Variants in VAV2 observed in about 807,000 individuals in gnomAD.
VAV2 encodes vav guanine nucleotide exchange factor 2.
VAV2 carries 67 observed loss-of-function variants against 132.5 expected under a neutral mutation model. That is an observed-to-expected ratio of 0.51 (90% CI 0.42 to 0.62). The LOEUF (loss-of-function observed/expected upper bound fraction) is 0.62, where lower values mean the gene tolerates loss of function less well. Among genes scored for constraint, VAV2 ranks in the 20% least tolerant of loss-of-function variants. The probability of loss-of-function intolerance (pLI) is 0.00; values close to 1 mark genes in which losing one functional copy is unlikely to be tolerated. For synonymous variants in VAV2, 492 were observed against 443.5 expected, an observed-to-expected ratio of 1.11 and a Z score of -1.37; for missense variants, 938 against 1,153.6, an observed-to-expected ratio of 0.81 and a Z score of 2.71.
chr9:133,851,481 G>C (rs901980911), intron 3 of VAV2, among the ~76,000 whole-genome samples: 2 of 152,236 alleles, frequency 1.3e-5, no homozygotes, highest in African/African-American at 4.8e-5. Context: ...ATCAGCACCC[G>C]AGTGAACCAA....
chr9:133,832,286 C>A (rs1305622263), intron 4 of VAV2, among the ~76,000 whole-genome samples: 3 of 152,230 alleles, frequency 2.0e-5, no homozygotes, highest in Admixed American at 6.5e-5. Flanking sequence ...ACACCTTGGC[C>A]TGGATGTGGC....
chr9:133,807,418 G>A lies in VAV2; in HGVS notation c.667-92C>T, dbSNP rs116159368. 2,325 of 1,350,302 alleles carry A rather than the reference G, an allele frequency of 1.7e-3. 29 individuals are homozygous for A. The African/African-American group carries it at 0.03, about 18-fold the overall frequency. 83.6% of individuals were successfully genotyped at this position (1,350,302 alleles called of 1,614,324 possible). A position where few individuals can be genotyped will look rare whatever the true frequency, so the allele number is the denominator to read the frequency against. On this transcript the variant is annotated intron_variant, in intron 7 of 29. Coordinates refer to ENST00000371850, the MANE Select transcript of VAV2 (RefSeq NM_001134398.2). The stretch of plus-strand genomic sequence containing the variant: ...CAGGGGAGGGTCCCAGGGCAGCTCC[G>A]AGGCAGGCACTGGGGTGCTCCATGC...
intron 2 of VAV2, among the ~76,000 whole-genome samples, chr9:133,874,436 C>G (rs1838182448): frequency 6.6e-6 from 1 of 152,196 alleles, no homozygotes; most frequent in African/African-American, 2.4e-5. Context: ...GGGAGGCATC[C>G]CAGACCCAGG....
chr9:133,985,375 G>A (rs1450434598), intron 1 of VAV2, among the ~76,000 whole-genome samples: 6 of 152,084 alleles, frequency 3.9e-5, no homozygotes, highest in South Asian at 2.1e-4. Flanking sequence ...TCCGCCTTCC[G>A]GGTTCAAGCG....
intron 4 of VAV2, among the ~76,000 whole-genome samples, chr9:133,831,333 G>A (rs1322510382): frequency 1.3e-5 from 2 of 152,178 alleles, no homozygotes; most frequent in African/African-American, 4.8e-5. Flanking sequence ...CTACTGGGGA[G>A]GCTGAGGCAG....
rs1329061462 is a variant in VAV2, at chr9:133,787,233, G to A, written c.1422+13C>T. The A allele has an allele frequency of 6.3e-6, 10 of 1,578,508 alleles. No individual in the cohort carries two copies. In the African/African-American group the frequency reaches 8.1e-5, roughly 13 times the overall value. ...TTGAGGCAGGTGGGAGGACCTGGGC[G>A]CTAGGTGCTTACCATTTTCCCGTGA... On this transcript the variant is annotated intron_variant, in intron 16 of 29. Transcript: ENST00000371850.
intron 12 of VAV2, among the ~76,000 whole-genome samples, chr9:133,793,830 C>T (rs2073890): frequency 0.55 from 83,738 of 151,944 alleles, 23,505 homozygotes; most frequent in African/African-American, 0.65. Context: ...AGGAGTGAGC[C>T]CTCAGTCCCT....
In VAV2 at chr9:133,802,875, G is replaced by A. The variant is rs942646940; in HGVS notation, c.836+3206C>T. 6.6e-6 allele frequency among the ~76,000 whole-genome samples: 1 copy of A among 152,226 alleles called. No homozygotes were observed. Among genetic ancestry groups the A allele is most frequent in the Non-Finnish European group, 1.5e-5 (1 of 68,040 alleles). The stretch of plus-strand genomic sequence containing the variant: ...GGATGCAGGAACAAGCAAGGTGCAC[G>A]GCTGAGCTGCCAGCTCTGGCCTCCG... On this transcript the variant is annotated intron_variant, in intron 9 of 29. Coordinates refer to ENST00000371850, the MANE Select transcript of VAV2 (RefSeq NM_001134398.2). The surrounding 1 kb of genome is among the most constrained non-coding windows in gnomAD (Gnocchi z 5.8).
At chr9:133,927,571 A>C (rs1472630909) in intron 2 of VAV2, among the ~76,000 whole-genome samples, 1 of 152,092 alleles carries the variant, frequency 6.6e-6, no homozygotes, top group Non-Finnish European at 1.5e-5. Flanking sequence ...TCTTGGCCAC[A>C]CACCCACACC....
rs749014742 is a variant in VAV2, at chr9:133,768,385, G to A, written c.2589+57C>T. The A allele has an allele frequency of 5.6e-5, 88 of 1,584,180 alleles. No individual in the cohort carries two copies. Among genetic ancestry groups the A allele is most frequent in the Admixed American group, 1.2e-4 (7 of 58,182 alleles). ...GTGTGGTGCTAGTCTGCCTGAGCCC[G>A]ACCAGGTAGGGGCTGCAGCGAGGCC... On this transcript the variant is annotated intron_variant, in intron 29 of 29. Coordinates refer to ENST00000371850, the MANE Select transcript of VAV2 (RefSeq NM_001134398.2). This position sits in a 1 kb window ranked among gnomAD's most constrained non-coding sequence, Gnocchi z 5.3.
In VAV2 at chr9:133,788,260, T is replaced by C; in HGVS notation, c.1407+94A>G. On this transcript the variant is annotated intron_variant, in intron 15 of 29. Coordinates refer to ENST00000371850, the MANE Select transcript of VAV2 (RefSeq NM_001134398.2). The surrounding 1 kb of genome is among the most constrained non-coding windows in gnomAD (Gnocchi z 5.3). ...CACCCGGCCAGCATCAGCGGCTGAC[T>C]TCGAGTCCCCTTCCCCTGGGGTCTG... is the stretch of plus-strand genomic sequence containing the variant. 1.2e-6 allele frequency: 1 copy of C among 830,760 alleles called. No individual in the cohort carries two copies. The allele number at this position is 830,760 out of a possible 1,614,324, so 51.5% of individuals were successfully genotyped here. A position where few individuals can be genotyped will look rare whatever the true frequency, so the allele number is the denominator to read the frequency against.
Position 133,786,518 on chromosome 9 carries a change from G to GCAGGGCCCCACC in VAV2, c.1423-645_1423-634dup, listed in dbSNP as rs1298422388. Among the ~76,000 whole-genome samples the GCAGGGCCCCACC allele has an allele frequency of 2.0e-5, 3 of 152,170 alleles. No individual in the cohort carries two copies. The South Asian group carries it at 6.2e-4, about 32-fold the overall frequency. ...GGGCAGGATCCCAGGAAGGATGAGC[G>GCAGGGCCCCACC]CAGGGCCCCACCCAGGGCCCCTCCA... On this transcript the variant is annotated intron_variant, in intron 16 of 29. Transcript: ENST00000371850.
intron 1 of VAV2, among the ~76,000 whole-genome samples, chr9:133,963,471 A>G (rs1226511646): frequency 6.6e-6 from 1 of 152,176 alleles, no homozygotes; most frequent in Non-Finnish European, 1.5e-5. Flanking sequence ...CGTGAGCTCC[A>G]CACTCCAAGT....
chr9:133,807,610 G>A (rs1336862697), intron 7 of VAV2, among the ~76,000 whole-genome samples: 5 of 152,240 alleles, frequency 3.3e-5, no homozygotes, highest in African/African-American at 1.2e-4. Context: ...TGGCTGCCCT[G>A]AGGTGGGCGT....
At position 133,772,629 on chromosome 9, in the gene VAV2, C is replaced by T. The variant is rs551378628; in HGVS notation, c.2136-583G>A. 3.9e-5 allele frequency among the ~76,000 whole-genome samples: 5 copies of T among 128,262 alleles called. No homozygotes were observed. The East Asian group carries it at 7.8e-4, about 20-fold the overall frequency. The allele number at this position is 128,262 out of a possible 152,430, so 84.1% of individuals were successfully genotyped here. Reference sequence around the variant, plus strand: ...TCCCTCCCCTGAATGCCACCCACCCCCTTGCCAGACACAGACATCACAAGA... The same window carrying T: ...TCCCTCCCCTGAATGCCACCCACCCTCTTGCCAGACACAGACATCACAAGA... On this transcript the variant is annotated intron_variant, in intron 25 of 29. Coordinates refer to ENST00000371850, the MANE Select transcript of VAV2 (RefSeq NM_001134398.2).
At chr9:133,783,340 C>A (rs759517776) in intron 19 of VAV2, among the ~76,000 whole-genome samples, 163 bp downstream of exon 19, 3 of 152,082 alleles carry the variant, frequency 2.0e-5, no homozygotes, top group Non-Finnish European at 2.9e-5. Context: ...GTGTGACGTG[C>A]GGCAGGCGTC....
At position 133,769,580 on chromosome 9, in the gene VAV2, C is replaced by G; in HGVS notation, c.2348-77G>C. On this transcript the variant is annotated intron_variant, in intron 27 of 29. Coordinates refer to ENST00000371850, the MANE Select transcript of VAV2 (RefSeq NM_001134398.2). This position sits in a 1 kb window ranked among gnomAD's most constrained non-coding sequence, Gnocchi z 8.1. ...AGTCACGGTGGGCACAGCTACAGGC[C>G]GGGGGGCATGGGGTGGGGCAGGCCC... The G allele has an allele frequency of 7.0e-7, 1 of 1,436,132 alleles. No homozygotes were observed. Among genetic ancestry groups the G allele is most frequent in the Non-Finnish European group, 9.5e-7 (1 of 1,056,320 alleles). 89.0% of individuals were successfully genotyped at this position (1,436,132 alleles called of 1,614,324 possible). A position where few individuals can be genotyped will look rare whatever the true frequency, so the allele number is the denominator to read the frequency against.
At position 133,928,611 on chromosome 9, in the gene VAV2, G is replaced by C. The variant is rs1840566008; in HGVS notation, c.321+10492C>G. Among the ~76,000 whole-genome samples the C allele has an allele frequency of 6.6e-6, 1 of 152,164 alleles. No individual in the cohort carries two copies. Among genetic ancestry groups the C allele is most frequent in the African/African-American group, 2.4e-5 (1 of 41,428 alleles). On this transcript the variant is annotated intron_variant, in intron 2 of 29. Transcript: ENST00000371850. The surrounding 1 kb of genome is among the most constrained non-coding windows in gnomAD (Gnocchi z 5.4). The stretch of plus-strand genomic sequence containing the variant: ...AGTCTTCTGCACTCAGCAAATTAAT[G>C]AACAAATACGAAGAGGAAATGAACA...
chr9:133,988,465 C>T (rs1588234063), intron 1 of VAV2, among the ~76,000 whole-genome samples: 1 of 152,092 alleles, frequency 6.6e-6, no homozygotes, highest in South Asian at 2.1e-4. Context: ...TCAAGCTCTC[C>T]GGAACCTTGA....
Sources: gnomAD v4.1 joint callset for allele counts (sites outside exome capture counted in the v4.1 genomes callset) on GRCh38, gnomAD v4.1.1 for gene constraint, Gnocchi (gnomAD v3.1) non-coding constraint, MANE v1.5 for transcripts, NCBI Gene and HGNC (gene_info 2026-07-23, HGNC 2026-07-21) for gene names.